The following NRG2 variants were observed in gnomAD, a reference collection of about 807,000 sequenced individuals.
NRG2 encodes the protein pro-neuregulin-2, membrane-bound isoform.
NRG2 carries 27 observed loss-of-function variants against 73.9 expected under a neutral mutation model. That is an observed-to-expected ratio of 0.37 (90% confidence interval 0.27 to 0.50). The LOEUF is 0.50. NRG2 is among the 20% of genes least tolerant of loss of function. The probability of loss-of-function intolerance (pLI) is 0.96; values close to 1 mark genes in which losing one functional copy is unlikely to be tolerated. For missense variants in NRG2, 1,126 were observed against 1,210.1 expected (o/e 0.93, Z 1.03); for synonymous variants, 532 against 541.0 (o/e 0.98, Z 0.23).
rs1304858798 is a variant in NRG2 at position 139,848,406 on chromosome 5, G to A, written c.2064C>T (p.Arg688=). The A allele has an allele frequency of 3.9e-6, 5 of 1,268,688 alleles. No homozygotes were observed. The highest frequency in any genetic ancestry group is 4.9e-6 in the Non-Finnish European group (5 of 1,015,298). 78.6% of individuals were successfully genotyped at this position (1,268,688 alleles called of 1,614,324 possible). A position where few individuals can be genotyped will look rare whatever the true frequency, so the allele number is the denominator to read the frequency against. The change falls in exon 10 of 10, where the codon CGC becomes CGT. Residue 688 remains arginine (R), a synonymous_variant. Transcript: ENST00000361474. ...GGCTGCCGCCGAGCGCGCAGGTCCC[G>A]CGCCGCGGTCCGGGCCCCGCCGCGG... ...YYPAAGPGPR[R]GTCALGGSLG...
chr5:140,030,462 C>A (rs1761047079), intron 1 of NRG2, among the ~76,000 whole-genome samples: 1 of 152,196 alleles, frequency 6.6e-6, no homozygotes. Context: ...AGGAGAAGCG[C>A]AAAGCCCACA....
At chr5:139,912,257 C>T (rs979116442) in intron 1 of NRG2, among the ~76,000 whole-genome samples, 6 of 147,360 alleles carry the variant, frequency 4.1e-5, no homozygotes, top group East Asian at 4.0e-4. Flanking sequence ...TCCTGGTCAC[C>T]GCCCAAGGAA....
chr5:139,855,297 G>A (rs1230588610), intron 6 of NRG2, among the ~76,000 whole-genome samples: 1 of 152,182 alleles, frequency 6.6e-6, no homozygotes, highest in East Asian at 1.9e-4. Flanking sequence ...TCAGCTGCAC[G>A]CTACTGCTCA....
intron 1 of NRG2, among the ~76,000 whole-genome samples, chr5:139,974,171 C>T (rs1020875219): frequency 1.3e-5 from 2 of 152,066 alleles, no homozygotes; most frequent in African/African-American, 4.8e-5. Flanking sequence ...AATCCAATAG[C>T]TTAGAAATAT....
At chr5:139,885,095 C>T (rs1263406006) in intron 2 of NRG2, among the ~76,000 whole-genome samples, 1 of 152,058 alleles carries the variant, frequency 6.6e-6, no homozygotes, top group East Asian at 1.9e-4. Flanking sequence ...GGTGTGGTAT[C>T]TAGTGTCTCT....
intron 1 of NRG2, among the ~76,000 whole-genome samples, chr5:139,912,147 A>G (rs961231908): frequency 2.0e-5 from 3 of 152,180 alleles, no homozygotes; most frequent in Admixed American, 6.5e-5. Context: ...GTCAGCATCC[A>G]TTCTTATTCC....
intron 1 of NRG2, among the ~76,000 whole-genome samples, chr5:140,041,238 C>T (rs957117388): frequency 1.3e-5 from 2 of 152,196 alleles, no homozygotes; most frequent in African/African-American, 4.8e-5. Context: ...TCAGCGATTA[C>T]ACAGTCCAGC....
intron 1 of NRG2, among the ~76,000 whole-genome samples, chr5:140,033,411 A>C (rs2126696388): frequency 6.6e-6 from 1 of 152,360 alleles, no homozygotes; most frequent in African/African-American, 2.4e-5. Flanking sequence ...TTTGAAAGAG[A>C]CACTGTGAGT....
chr5:139,990,910 T>G (rs1209190911), intron 1 of NRG2, among the ~76,000 whole-genome samples: 5 of 152,200 alleles, frequency 3.3e-5, no homozygotes, highest in African/African-American at 1.2e-4. Flanking sequence ...CTTTGCTGGT[T>G]TTGTGTGTTG....
intron 1 of NRG2, among the ~76,000 whole-genome samples, chr5:139,909,712 G>A (rs747742718): frequency 4.6e-5 from 7 of 152,202 alleles, no homozygotes; most frequent in Non-Finnish European, 8.8e-5. Context: ...CTCCCTGCAG[G>A]ACCAGAGAAA....
intron 1 of NRG2, among the ~76,000 whole-genome samples, chr5:139,962,469 A>G (rs1029735280): frequency 9.9e-5 from 15 of 152,166 alleles, no homozygotes; most frequent in African/African-American, 3.6e-4. Context: ...GGAAGAGGGA[A>G]ATGGTTTGGC....
chr5:139,998,594 A>G (rs1280399941), intron 1 of NRG2, among the ~76,000 whole-genome samples: 1 of 152,166 alleles, frequency 6.6e-6, no homozygotes, highest in Non-Finnish European at 1.5e-5. Context: ...TTTGGTCTCT[A>G]CTAGTGATGT....
In NRG2 at chr5:139,856,042, C is replaced by A; in HGVS notation, c.1190-264G>T. On this transcript the variant is annotated intron_variant, in intron 5 of 9. Transcript: ENST00000361474. The surrounding 1 kb of genome is among the most constrained non-coding windows in gnomAD (Gnocchi z 4.2). ...CCCCTCCCCAAGCCCCATGCCTGCC[C>A]AGAGCACATGAGTGGAAAATGCAGG... The A allele has an allele frequency of 4.0e-6, 2 of 502,442 alleles. No homozygotes were observed. The highest frequency in any genetic ancestry group is 7.2e-6 in the Non-Finnish European group (2 of 276,430). 31.1% of individuals were successfully genotyped at this position (502,442 alleles called of 1,614,324 possible).
In NRG2 at chr5:139,904,239, G is replaced by T; in HGVS notation, c.701-16728C>A. 12 of 1,518,866 alleles carry T rather than the reference G, an allele frequency of 7.9e-6. No individual in the cohort carries two copies. Among genetic ancestry groups the T allele is most frequent in the Non-Finnish European group, 1.1e-5 (12 of 1,134,840 alleles). The allele number at this position is 1,518,866 out of a possible 1,614,324, so 94.1% of individuals were successfully genotyped here. A position where few individuals can be genotyped will look rare whatever the true frequency, so the allele number is the denominator to read the frequency against. On this transcript the variant is annotated intron_variant, in intron 1 of 9. Coordinates refer to ENST00000361474, the MANE Select transcript of NRG2 (RefSeq NM_004883.3). This position sits in a 1 kb window ranked among gnomAD's most constrained non-coding sequence, Gnocchi z 6.0. Reference sequence around the variant, plus strand: ...CCTAGACTCACCCGCGCTGCGCTGGGGGCGGGTGAGCGGGCGGCAGGTTTC... The same window carrying T: ...CCTAGACTCACCCGCGCTGCGCTGGTGGCGGGTGAGCGGGCGGCAGGTTTC...
chr5:139,859,144 C>A (rs1647976753), intron 5 of NRG2, among the ~76,000 whole-genome samples: 1 of 152,098 alleles, frequency 6.6e-6, no homozygotes, highest in South Asian at 2.1e-4. Context: ...CCCATAAAGT[C>A]CCTTCTAGCC....
At chr5:139,909,344 A>G (rs369951300) in intron 1 of NRG2, among the ~76,000 whole-genome samples, 5 of 152,118 alleles carry the variant, frequency 3.3e-5, no homozygotes, top group African/African-American at 1.2e-4. Context: ...CCTACCTGAG[A>G]CTTTGGGACT....
At chr5:139,931,469 G>C (rs1262666894) in intron 1 of NRG2, among the ~76,000 whole-genome samples, 1 of 152,112 alleles carries the variant, frequency 6.6e-6, no homozygotes, top group African/African-American at 2.4e-5. Flanking sequence ...CAGAAAGGAG[G>C]CCCTTCCCCT....
At chr5:139,892,437 G>T (rs1156303462) in intron 1 of NRG2, among the ~76,000 whole-genome samples, 2 of 152,112 alleles carry the variant, frequency 1.3e-5, no homozygotes, top group Non-Finnish European at 2.9e-5. Flanking sequence ...ATTGGATCTA[G>T]TACCAGGCCC....
chr5:139,979,059 G>C (rs1026911054), intron 1 of NRG2, among the ~76,000 whole-genome samples: 6 of 133,940 alleles, frequency 4.5e-5, no homozygotes, highest in African/African-American at 1.4e-4. Context: ...ACACAGGAAG[G>C]GAGCATCACA....
Sources: gnomAD v4.1 joint callset for allele counts (sites outside exome capture counted in the v4.1 genomes callset) on GRCh38, gnomAD v4.1.1 for gene constraint, Gnocchi (gnomAD v3.1) non-coding constraint, MANE v1.5 for transcripts, NCBI Gene and HGNC (gene_info 2026-07-23, HGNC 2026-07-21) for gene names.